NKAIN2: variants seen among roughly 807,000 people sequenced by gnomAD.
NKAIN2 encodes sodium/potassium-transporting ATPase subunit beta-1-interacting protein 2.
NKAIN2 carries 14 observed loss-of-function variants against 32.6 expected under a neutral mutation model. The observed-to-expected ratio is 0.43, with a 90% CI of 0.28 to 0.67. NKAIN2 has a LOEUF of 0.67. Ranked by LOEUF, NKAIN2 falls within the 30% of genes least tolerant of loss-of-function variation. The probability of loss-of-function intolerance (pLI) is 0.17; values close to 1 mark genes in which losing one functional copy is unlikely to be tolerated. For missense variants in NKAIN2, 198 were observed against 258.3 expected (o/e 0.77, Z 1.60); for synonymous variants, 80 against 87.2 (o/e 0.92, Z 0.46).
chr6:123,807,999 TA>T (rs1282833986), intron 1 of NKAIN2, among the ~76,000 whole-genome samples: 9 of 152,190 alleles, frequency 5.9e-5, no homozygotes, highest in African/African-American at 1.4e-4. Context: ...CAAAGGTACA[TA>T]TTTTTTTTCC....
chr6:123,883,568 G>A (rs543871729), intron 1 of NKAIN2, among the ~76,000 whole-genome samples: 1 of 151,498 alleles, frequency 6.6e-6, no homozygotes, highest in African/African-American at 2.4e-5. Context: ...TGCCATGATT[G>A]TACGTTCCTG....
chr6:124,185,702 T>G (rs1381851384), intron 1 of NKAIN2, among the ~76,000 whole-genome samples: 3 of 152,186 alleles, frequency 2.0e-5, no homozygotes, highest in African/African-American at 7.2e-5. Context: ...TCACACTAAG[T>G]GAAAGCTCTT....
intron 1 of NKAIN2, among the ~76,000 whole-genome samples, chr6:123,906,925 C>T (rs1484557735): frequency 3.3e-5 from 5 of 152,158 alleles, no homozygotes; most frequent in Non-Finnish European, 7.3e-5. Flanking sequence ...TTTACTATAA[C>T]GTTCATAACA....
chr6:124,473,168 G>T (rs1412430512), intron 3 of NKAIN2, among the ~76,000 whole-genome samples: 2 of 152,158 alleles, frequency 1.3e-5, no homozygotes, highest in African/African-American at 4.8e-5. Context: ...AGGGATTAAT[G>T]ATTAATGACT....
chr6:124,632,226 G>A (rs918778533), intron 3 of NKAIN2, among the ~76,000 whole-genome samples: 6 of 152,084 alleles, frequency 3.9e-5, no homozygotes, highest in Middle Eastern at 3.4e-3. Flanking sequence ...CTTTCTATAC[G>A]CTTAAGGCAA....
intron 1 of NKAIN2, among the ~76,000 whole-genome samples, chr6:123,818,509 C>T (rs1773793911): frequency 6.6e-6 from 1 of 152,006 alleles, no homozygotes; most frequent in Non-Finnish European, 1.5e-5. Context: ...TATTTGATAT[C>T]CTAATTCACC....
At chr6:124,689,991 A>G (rs1369327203) in intron 4 of NKAIN2, among the ~76,000 whole-genome samples, 1 of 152,160 alleles carries the variant, frequency 6.6e-6, no homozygotes, top group Non-Finnish European at 1.5e-5. Context: ...TTCACAAAAT[A>G]ATGTGCTGGC....
intron 1 of NKAIN2, among the ~76,000 whole-genome samples, chr6:123,921,536 G>C (rs929267113): frequency 1.3e-5 from 2 of 152,102 alleles, no homozygotes; most frequent in African/African-American, 4.8e-5. Context: ...TCAAATATTG[G>C]AAGTCCTGTA....
intron 1 of NKAIN2, among the ~76,000 whole-genome samples, chr6:123,922,656 G>T (rs368048224): frequency 6.6e-6 from 1 of 152,072 alleles, no homozygotes; most frequent in African/African-American, 2.4e-5. Context: ...GCTGAGGGTC[G>T]ATGGGACTCA....
intron 3 of NKAIN2, among the ~76,000 whole-genome samples, chr6:124,511,998 C>T (rs1778733176): frequency 6.6e-6 from 1 of 152,140 alleles, no homozygotes; most frequent in African/African-American, 2.4e-5. Context: ...CTATAGAGGT[C>T]AAATATCATT....
chr6:124,433,292 A>G (rs949397739), intron 3 of NKAIN2, among the ~76,000 whole-genome samples: 7 of 152,192 alleles, frequency 4.6e-5, no homozygotes, highest in Admixed American at 2.6e-4. Flanking sequence ...AGAAAACTCT[A>G]GAGAAAAGAA....
chr6:124,426,761 G>T (rs544702134), intron 3 of NKAIN2, among the ~76,000 whole-genome samples: 96 of 152,230 alleles, frequency 6.3e-4, no homozygotes, highest in Non-Finnish European at 1.2e-3. Context: ...TTCTGGGAGC[G>T]ACTCGGTGGG....
chr6:124,496,019 GC>G (rs1778050069), intron 3 of NKAIN2, among the ~76,000 whole-genome samples: 1 of 152,116 alleles, frequency 6.6e-6, no homozygotes. Context: ...AAATTAAGAT[GC>G]CGTGACAGCT....
intron 3 of NKAIN2, among the ~76,000 whole-genome samples, chr6:124,505,320 G>A (rs1372870548): frequency 6.6e-6 from 1 of 152,156 alleles, no homozygotes; most frequent in African/African-American, 2.4e-5. Context: ...GTTCAAGTGG[G>A]CATTTGGCCC....
At chr6:124,675,642 A>G (rs1773322547) in intron 4 of NKAIN2, among the ~76,000 whole-genome samples, 2 of 152,052 alleles carry the variant, frequency 1.3e-5, no homozygotes, top group African/African-American at 4.8e-5. Flanking sequence ...TTGCTGTATA[A>G]TTATTCATGG....
intron 1 of NKAIN2, among the ~76,000 whole-genome samples, chr6:123,872,272 C>G (rs1372124488): frequency 2.0e-5 from 3 of 152,186 alleles, no homozygotes; most frequent in Non-Finnish European, 4.4e-5. Flanking sequence ...GGAAGAAGTT[C>G]ACATATGAGT....
At chr6:124,813,560 G>A (rs904879280) in intron 5 of NKAIN2, among the ~76,000 whole-genome samples, 2 of 152,118 alleles carry the variant, frequency 1.3e-5, no homozygotes, top group African/African-American at 2.4e-5. Flanking sequence ...GTCAAATGCA[G>A]AAATATCTTT....
intron 3 of NKAIN2, among the ~76,000 whole-genome samples, chr6:124,585,136 A>G (rs1381114518): frequency 2.0e-5 from 3 of 152,254 alleles, no homozygotes; most frequent in Admixed American, 2.0e-4. Context: ...ACAAAAAAGA[A>G]TAAGATCCTA....
intron 1 of NKAIN2, among the ~76,000 whole-genome samples, chr6:124,110,415 T>C (rs913912861): frequency 6.6e-6 from 1 of 152,080 alleles, no homozygotes; most frequent in Non-Finnish European, 1.5e-5. Flanking sequence ...ATTTCAACTT[T>C]TATTTTAGTT....
Sources: gnomAD v4.1 joint callset for allele counts (sites outside exome capture counted in the v4.1 genomes callset) on GRCh38, gnomAD v4.1.1 for gene constraint, MANE v1.5 for transcripts, NCBI Gene and HGNC (gene_info 2026-07-23, HGNC 2026-07-21) for gene names.